ANAPC10: variants seen among roughly 807,000 people sequenced by gnomAD.
ANAPC10 encodes the protein anaphase-promoting complex subunit 10.
A neutral mutation model predicts 22.0 loss-of-function variants in ANAPC10; 12 were observed. That is an observed-to-expected ratio of 0.55 (90% CI 0.35 to 0.88). The LOEUF is 0.88. ANAPC10 is among the 40% of genes least tolerant of loss of function. The pLI is 0.01. For missense variants in ANAPC10, 188 were observed against 220.9 expected, an observed-to-expected ratio of 0.85 and a Z score of 0.94; for synonymous variants, 65 against 69.5, an observed-to-expected ratio of 0.94 and a Z score of 0.32.
intron 2 of ANAPC10, among the ~76,000 whole-genome samples, chr4:145,092,948 A>AAT (rs1400219229): frequency 2.2e-4 from 34 of 152,346 alleles, no homozygotes; most frequent in African/African-American, 8.2e-4. Context: ...TCTTTACCAC[A>AAT]AAAGACCAGC....
At chr4:145,015,839 C>T (rs1246956800) in intron 4 of ANAPC10, among the ~76,000 whole-genome samples, 1 of 152,104 alleles carries the variant, frequency 6.6e-6, no homozygotes, top group Non-Finnish European at 1.5e-5. Flanking sequence ...TGAAACTAAG[C>T]ATCAAATATG....
At chr4:145,084,739 C>T (rs1359351043) in intron 2 of ANAPC10, among the ~76,000 whole-genome samples, 1 of 152,190 alleles carries the variant, frequency 6.6e-6, no homozygotes, top group East Asian at 1.9e-4. Context: ...CCACTAGCCA[C>T]ATGTGGCTAC....
chr4:145,016,453 G>C (rs934178809), intron 4 of ANAPC10, among the ~76,000 whole-genome samples: 2 of 152,126 alleles, frequency 1.3e-5, no homozygotes, highest in African/African-American at 4.8e-5. Flanking sequence ...ACAAACCACT[G>C]CTGAACAAAA....
At chr4:145,018,595 GC>G (rs1176048886) in intron 4 of ANAPC10, among the ~76,000 whole-genome samples, 1 of 151,800 alleles carries the variant, frequency 6.6e-6, no homozygotes, top group African/African-American at 2.4e-5. Context: ...CCGAGATCGT[GC>G]CATTGCACTC....
chr4:145,086,118 A>G (rs1395124878), intron 2 of ANAPC10, among the ~76,000 whole-genome samples: 1 of 152,058 alleles, frequency 6.6e-6, no homozygotes, highest in African/African-American at 2.4e-5. Context: ...GCCTGCCAAC[A>G]CGCCCAGCTA....
chr4:145,006,966 A>G (rs1016911780), intron 4 of ANAPC10, among the ~76,000 whole-genome samples: 8 of 152,112 alleles, frequency 5.3e-5, no homozygotes, highest in Non-Finnish European at 1.0e-4. Flanking sequence ...ATAACTGTCC[A>G]GGTCCATCAC....
intron 3 of ANAPC10, among the ~76,000 whole-genome samples, chr4:145,066,178 T>C (rs1229453489): frequency 6.6e-6 from 1 of 152,160 alleles, no homozygotes; most frequent in African/African-American, 2.4e-5. Flanking sequence ...ACCAAACTTC[T>C]GTAGCCTAAG....
In ANAPC10 at chr4:145,014,169, C is replaced by T. The variant is rs554932836; in HGVS notation, c.328-18566G>A. Among the ~76,000 whole-genome samples the T allele has an allele frequency of 7.0e-4, 107 of 152,200 alleles. 1 individual carries two copies. In the South Asian group the frequency reaches 0.012, roughly 17 times the overall value. On this transcript the variant is annotated intron_variant, in intron 4 of 4. Coordinates refer to ENST00000507656, the MANE Select transcript of ANAPC10 (RefSeq NM_001256706.2). Reference sequence around the variant, plus strand: ...GAACTAAAATCCTTTTATTTCATAGCTCGGAGGTGGGTACCATGGGGCAAG... The same window carrying T: ...GAACTAAAATCCTTTTATTTCATAGTTCGGAGGTGGGTACCATGGGGCAAG...
chr4:145,079,587 T>C (rs1039814270), intron 3 of ANAPC10, among the ~76,000 whole-genome samples: 2 of 152,218 alleles, frequency 1.3e-5, no homozygotes, highest in Non-Finnish European at 2.9e-5. Flanking sequence ...CATATGTTGA[T>C]TGCAGCACTA....
chr4:145,064,783 G>A, intron 3 of ANAPC10, 91 bp from the exon 4 acceptor site: 1 of 1,096,892 alleles, frequency 9.1e-7, no homozygotes, highest in Non-Finnish European at 1.3e-6. Context: ...ATCATAGTTT[G>A]CTAAAAGGAG....
At chr4:145,015,091 C>T (rs1194867917) in intron 4 of ANAPC10, among the ~76,000 whole-genome samples, 1 of 151,956 alleles carries the variant, frequency 6.6e-6, no homozygotes, top group African/African-American at 2.4e-5. Flanking sequence ...AAAAAGAAAT[C>T]CCTGACTTAC....
At chr4:145,072,797 G>A (rs776767553) in intron 3 of ANAPC10, among the ~76,000 whole-genome samples, 18 of 151,910 alleles carry the variant, frequency 1.2e-4, no homozygotes, top group Admixed American at 3.9e-4. Context: ...ATATGTAGGT[G>A]ACTAGTAAAG....
chr4:145,034,535 ATATATATATGTGTG>A (rs933138992), intron 4 of ANAPC10, among the ~76,000 whole-genome samples: 7 of 138,896 alleles, frequency 5.0e-5, no homozygotes, highest in African/African-American at 1.7e-4. Context: ...ATATATATAT[ATATATATATGTGTG>A]TGTGTGTGTG....
At chr4:145,080,204 G>A (rs1745799335) in intron 3 of ANAPC10, among the ~76,000 whole-genome samples, 1 of 150,818 alleles carries the variant, frequency 6.6e-6, no homozygotes, top group African/African-American at 2.4e-5. Context: ...TTGAGGTGAA[G>A]GAAAGGAAGA....
chr4:145,084,062 C>G (rs926400016), intron 2 of ANAPC10, among the ~76,000 whole-genome samples: 2 of 151,952 alleles, frequency 1.3e-5, no homozygotes, highest in African/African-American at 4.8e-5. Flanking sequence ...CCATGACCTG[C>G]TGGGTTTATG....
At chr4:145,034,243 G>A (rs968941362) in intron 4 of ANAPC10, among the ~76,000 whole-genome samples, 2 of 152,048 alleles carry the variant, frequency 1.3e-5, no homozygotes, top group Admixed American at 1.3e-4. Flanking sequence ...TAACATCTGA[G>A]TCACTGGGCT....
chr4:145,076,212 C>G (rs906481056), intron 3 of ANAPC10, among the ~76,000 whole-genome samples: 1 of 152,204 alleles, frequency 6.6e-6, no homozygotes, highest in Non-Finnish European at 1.5e-5. Flanking sequence ...GTTGCCAGCA[C>G]ACTGGAAACA....
At chr4:145,029,890 T>C (rs2127047099) in intron 4 of ANAPC10, among the ~76,000 whole-genome samples, 1 of 152,286 alleles carries the variant, frequency 6.6e-6, no homozygotes, top group African/African-American at 2.4e-5. Flanking sequence ...ACCCCCATTT[T>C]TGAAGAGCCC....
intron 4 of ANAPC10, among the ~76,000 whole-genome samples, chr4:145,021,369 CCAAA>C (rs1483550905): frequency 2.0e-5 from 3 of 151,898 alleles, no homozygotes; most frequent in African/African-American, 7.3e-5. Context: ...ATAAATAAAC[CCAAA>C]TACCTACAGC....
Sources: allele counts gnomAD v4.1 joint callset (sites outside exome capture counted in the v4.1 genomes callset), GRCh38; gene constraint gnomAD v4.1.1; transcripts MANE v1.5; gene names NCBI Gene and HGNC (gene_info 2026-07-23, HGNC 2026-07-21).